The following PDZRN4 variants were observed in gnomAD, a reference collection of about 807,000 sequenced individuals.
The protein encoded by PDZRN4 is PDZ domain containing ring finger 4.
Under a neutral mutation model 99.0 loss-of-function variants are expected in PDZRN4, and 70 were observed. That is an observed-to-expected ratio of 0.71 (90% CI 0.58 to 0.86). The LOEUF is 0.86. Ranked by LOEUF, PDZRN4 falls within the 40% of genes least tolerant of loss-of-function variation. The pLI is 0.00. For synonymous variants in PDZRN4, 551 were observed against 501.6 expected, an observed-to-expected ratio of 1.10 and a Z score of -1.32; for missense variants, 1,474 against 1,331.2, an observed-to-expected ratio of 1.11 and a Z score of -1.67.
At chr12:41,250,084 T>G (rs1742129254) in intron 3 of PDZRN4, among the ~76,000 whole-genome samples, 1 of 152,206 alleles carries the variant, frequency 6.6e-6, no homozygotes, top group African/African-American at 2.4e-5. Context: ...TATGGTAACT[T>G]GCATACTTGT....
At chr12:41,273,106 A>G (rs2120865455) in intron 3 of PDZRN4, among the ~76,000 whole-genome samples, 1 of 152,140 alleles carries the variant, frequency 6.6e-6, no homozygotes, top group East Asian at 1.9e-4. Flanking sequence ...ATGGGTATGG[A>G]AAATGAATAA....
intron 3 of PDZRN4, among the ~76,000 whole-genome samples, chr12:41,277,939 T>C (rs1322058049): frequency 6.6e-6 from 1 of 152,184 alleles, no homozygotes; most frequent in Non-Finnish European, 1.5e-5. Flanking sequence ...AAAAAGGATA[T>C]TAGTTAGACA....
intron 3 of PDZRN4, among the ~76,000 whole-genome samples, chr12:41,319,408 G>C (rs923500890): frequency 6.6e-6 from 1 of 152,026 alleles, no homozygotes; most frequent in African/African-American, 2.4e-5. Flanking sequence ...AGGTCACTGG[G>C]GGCCTGGGTT....
chr12:41,288,867 T>C (rs1008360382), intron 3 of PDZRN4, among the ~76,000 whole-genome samples: 1 of 152,136 alleles, frequency 6.6e-6, no homozygotes, highest in African/African-American at 2.4e-5. Flanking sequence ...TATGTATTAA[T>C]TTTTCCTAGG....
intron 3 of PDZRN4, among the ~76,000 whole-genome samples, chr12:41,299,850 T>A (rs934715915): frequency 6.6e-6 from 1 of 152,022 alleles, no homozygotes; most frequent in Non-Finnish European, 1.5e-5. Flanking sequence ...TTTATCTTTG[T>A]ACTGCAATAA....
chr12:41,527,273 G>A (rs1237774296), intron 5 of PDZRN4, among the ~76,000 whole-genome samples: 1 of 152,182 alleles, frequency 6.6e-6, no homozygotes, highest in African/African-American at 2.4e-5. Flanking sequence ...GGAGAATTAT[G>A]TTACAAGAAG....
intron 3 of PDZRN4, among the ~76,000 whole-genome samples, chr12:41,249,836 T>C (rs1407730857): frequency 6.6e-6 from 1 of 152,218 alleles, no homozygotes; most frequent in Non-Finnish European, 1.5e-5. Flanking sequence ...TGCATTCGCA[T>C]TCATAGGTAT....
chr12:41,270,938 A>G (rs921743664), intron 3 of PDZRN4, among the ~76,000 whole-genome samples: 1 of 152,120 alleles, frequency 6.6e-6, no homozygotes, highest in Non-Finnish European at 1.5e-5. Flanking sequence ...ACAGTATAGT[A>G]AAGTTGATTA....
chr12:41,207,447 T>C (rs1330456132), intron 3 of PDZRN4, among the ~76,000 whole-genome samples: 1 of 151,828 alleles, frequency 6.6e-6, no homozygotes. Context: ...CAGTATGCTA[T>C]TAATATTATT....
Position 41,573,990 on chromosome 12 carries a change from G to A in PDZRN4, c.*100G>A, listed in dbSNP as rs920051697. ...AATGTGGCGTTTTTATATATATTTT[G>A]TGACTCTTTATAGTTTAAATTTTTT... is the stretch of plus-strand genomic sequence containing the variant. On this transcript the variant is annotated 3_prime_UTR_variant, in exon 10 of 10. Coordinates refer to ENST00000402685, the MANE Select transcript of PDZRN4 (RefSeq NM_001164595.2). 2 of 817,812 alleles carry A rather than the reference G, an allele frequency of 2.4e-6. No homozygotes were observed. Among genetic ancestry groups the A allele is most frequent in the African/African-American group, 3.4e-5 (2 of 58,662 alleles). The allele number at this position is 817,812 out of a possible 1,614,324, so 50.7% of individuals were successfully genotyped here. A position where few individuals can be genotyped will look rare whatever the true frequency, so the allele number is the denominator to read the frequency against.
At chr12:41,322,858 T>A (rs978279590) in intron 3 of PDZRN4, among the ~76,000 whole-genome samples, 1 of 151,178 alleles carries the variant, frequency 6.6e-6, no homozygotes, top group African/African-American at 2.5e-5. Flanking sequence ...GATCTTTTTC[T>A]CGATTTCTTT....
At chr12:41,430,755 A>G (rs1952580335) in intron 3 of PDZRN4, among the ~76,000 whole-genome samples, 2 of 152,224 alleles carry the variant, frequency 1.3e-5, no homozygotes, top group Admixed American at 1.3e-4. Context: ...TAAATCATGT[A>G]TTAGTCTGTT....
At chr12:41,571,989 C>T (rs1444206150) in intron 9 of PDZRN4, among the ~76,000 whole-genome samples, 1 of 152,180 alleles carries the variant, frequency 6.6e-6, no homozygotes, top group African/African-American at 2.4e-5. Flanking sequence ...ACTATTTAGA[C>T]ATTCTGTCTT....
intron 3 of PDZRN4, among the ~76,000 whole-genome samples, chr12:41,373,653 C>A (rs7974111): frequency 0.47 from 71,959 of 151,856 alleles, 17,829 homozygotes; most frequent in Middle Eastern, 0.65. Flanking sequence ...AACACACATG[C>A]TCTACAAACA....
chr12:41,519,997 C>T (rs1938467227), intron 5 of PDZRN4, among the ~76,000 whole-genome samples: 1 of 152,110 alleles, frequency 6.6e-6, no homozygotes, highest in South Asian at 2.1e-4. Context: ...CTTCTGCACA[C>T]ACAAACTGCC....
intron 3 of PDZRN4, chr12:41,437,861 T>G (rs1291255115): frequency 2.9e-5 from 46 of 1,611,172 alleles, no homozygotes; most frequent in Admixed American, 6.7e-5. Context: ...AGTAGTCAAG[T>G]CTGGAGGGTG....
intron 3 of PDZRN4, among the ~76,000 whole-genome samples, chr12:41,384,062 G>C (rs1311316877): frequency 7.9e-6 from 1 of 126,664 alleles, no homozygotes. Flanking sequence ...GAGTGCAGTG[G>C]CGCGATCTCA....
chr12:41,286,981 T>C (rs1434214591), intron 3 of PDZRN4, among the ~76,000 whole-genome samples: 1 of 152,190 alleles, frequency 6.6e-6, no homozygotes. Flanking sequence ...ATCGTTTTCT[T>C]CCTTAGACAT....
intron 5 of PDZRN4, among the ~76,000 whole-genome samples, chr12:41,515,687 C>T (rs1455590787): frequency 6.6e-6 from 1 of 152,000 alleles, no homozygotes; most frequent in Admixed American, 6.6e-5. Context: ...TCCAGATGCT[C>T]TGTGGCATGT....
Sources: gnomAD v4.1 joint callset for allele counts (sites outside exome capture counted in the v4.1 genomes callset) on GRCh38, gnomAD v4.1.1 for gene constraint, MANE v1.5 for transcripts, NCBI Gene and HGNC (gene_info 2026-07-23, HGNC 2026-07-21) for gene names.